Variants in MYO3B observed in about 807,000 individuals in gnomAD.
MYO3B encodes myosin IIIB.
A neutral mutation model predicts 174.6 loss-of-function variants in MYO3B; 156 were observed. The ratio of observed to expected loss-of-function variants is 0.89; its 90% CI spans 0.78 to 1.02. The LOEUF (loss-of-function observed/expected upper bound fraction) is 1.02, where lower values mean the gene tolerates loss of function less well. MYO3B is among the 50% of genes least tolerant of loss of function. The pLI, the probability that MYO3B is intolerant of heterozygous loss-of-function variation, is 0.00. For synonymous variants in MYO3B, 563 were observed against 569.1 expected, an observed-to-expected ratio of 0.99 and a Z score of 0.15; for missense variants, 1,632 against 1,639.4, an observed-to-expected ratio of 1.00 and a Z score of 0.08.
intron 32 of MYO3B, among the ~76,000 whole-genome samples, chr2:170,557,716 T>G (rs1691426655): frequency 1.3e-5 from 2 of 152,004 alleles, no homozygotes; most frequent in African/African-American, 4.8e-5. Context: ...TTGACTAGGG[T>G]GTTGATAGGG....
chr2:170,616,360 G>A (rs1200741103), intron 32 of MYO3B, among the ~76,000 whole-genome samples: 1 of 152,040 alleles, frequency 6.6e-6, no homozygotes, highest in African/African-American at 2.4e-5. Context: ...TAGGAATCTT[G>A]GTGATGTGAA....
intron 6 of MYO3B, among the ~76,000 whole-genome samples, chr2:170,221,146 G>T (rs1559311066): frequency 6.6e-6 from 1 of 151,940 alleles, no homozygotes; most frequent in Non-Finnish European, 1.5e-5. Flanking sequence ...TCATATGATG[G>T]CCTGTGTGGT....
intron 1 of MYO3B, among the ~76,000 whole-genome samples, chr2:170,195,687 T>C (rs1162765561): frequency 1.3e-5 from 2 of 152,140 alleles, no homozygotes; most frequent in African/African-American, 2.4e-5. Context: ...TTGGGAGTTT[T>C]AGGTACCCAC....
At chr2:170,513,318 G>A (rs750682262) in intron 28 of MYO3B, among the ~76,000 whole-genome samples, 4 of 152,186 alleles carry the variant, frequency 2.6e-5, no homozygotes, top group Non-Finnish European at 5.9e-5. Context: ...AGCAACATTG[G>A]TTTCTACTGG....
intron 23 of MYO3B, among the ~76,000 whole-genome samples, chr2:170,454,011 C>G (rs1401732434): frequency 6.6e-6 from 1 of 152,176 alleles, no homozygotes; most frequent in Non-Finnish European, 1.5e-5. Context: ...GAGGGTTCTT[C>G]AAGTTAGGCC....
chr2:170,391,706 A>G, intron 15 of MYO3B, 88 bp downstream of exon 15: 1 of 757,588 alleles, frequency 1.3e-6, no homozygotes, highest in South Asian at 1.7e-5. Flanking sequence ...CTGTTTTCCT[A>G]ACTGGAAACT....
intron 7 of MYO3B, among the ~76,000 whole-genome samples, chr2:170,328,701 G>A (rs1435248244): frequency 6.6e-6 from 1 of 151,996 alleles, no homozygotes; most frequent in Non-Finnish European, 1.5e-5. Context: ...ATACATGAAC[G>A]GCTAAATAAC....
chr2:170,403,079 G>T, intron 19 of MYO3B, 84 bp downstream of exon 19: 1 of 1,341,162 alleles, frequency 7.5e-7, no homozygotes, highest in South Asian at 1.7e-5. Flanking sequence ...AAACCCTGTA[G>T]ACTAACAACT....
chr2:170,520,797 C>G (rs571645477), intron 30 of MYO3B, among the ~76,000 whole-genome samples: 3 of 152,066 alleles, frequency 2.0e-5, no homozygotes, highest in Non-Finnish European at 4.4e-5. Context: ...GAGCTAAAGA[C>G]ACAAACAGCT....
At chr2:170,283,851 A>G (rs181611290) in intron 7 of MYO3B, among the ~76,000 whole-genome samples, 47 of 152,334 alleles carry the variant, frequency 3.1e-4, no homozygotes, top group Middle Eastern at 3.4e-3. Context: ...ATACATTTGG[A>G]TAAGTTGCAT....
At chr2:170,207,020 T>C (rs1437868863) in intron 3 of MYO3B, among the ~76,000 whole-genome samples, 4 of 152,180 alleles carry the variant, frequency 2.6e-5, no homozygotes, top group African/African-American at 9.7e-5. Flanking sequence ...AAAACTGTTA[T>C]TGTAATCTCA....
intron 32 of MYO3B, among the ~76,000 whole-genome samples, chr2:170,622,428 T>TA (rs1696004834): frequency 6.6e-6 from 1 of 152,114 alleles, no homozygotes; most frequent in Admixed American, 6.5e-5. Context: ...AAAAAACAAG[T>TA]AAAAACTTAA....
At chr2:170,236,579 A>C (rs1314677807) in intron 7 of MYO3B, among the ~76,000 whole-genome samples, 1 of 152,198 alleles carries the variant, frequency 6.6e-6, no homozygotes, top group Non-Finnish European at 1.5e-5. Context: ...CATCAGCGCT[A>C]TATCTTACTC....
At position 170,178,280 on chromosome 2, in the gene MYO3B, G is replaced by T; in HGVS notation, c.-8G>T. On this transcript the variant is annotated 5_prime_UTR_variant, in exon 1 of 35. The change creates a new upstream start codon in the 5' untranslated region. Coordinates refer to ENST00000408978, the MANE Select transcript of MYO3B (RefSeq NM_138995.5). Reference sequence around the variant, plus strand: ...TCTCATAAGCCGGATTCAGAAAATAGGTCATCGATGTGAGTTGCAGTTATT... The same window carrying T: ...TCTCATAAGCCGGATTCAGAAAATATGTCATCGATGTGAGTTGCAGTTATT... 6.2e-7 allele frequency: 1 copy of T among 1,614,160 alleles called. No individual in the cohort carries two copies.
chr2:170,515,024 TAG>T lies in MYO3B; in HGVS notation c.3472+5_3472+6del. On this transcript the variant is annotated splice_donor_region_variant and intron_variant, in intron 29 of 34. Coordinates refer to ENST00000408978, the MANE Select transcript of MYO3B (RefSeq NM_138995.5). ...GCAGCGAGCCTGGTGACCATAAAGG[TAG>T]AGTCTTTCGAGATTTAGAATGAGTG... The T allele has an allele frequency of 6.2e-7, 1 of 1,612,944 alleles. No individual in the cohort carries two copies.
chr2:170,387,435 T>C lies in MYO3B; in HGVS notation c.1577+127T>C, dbSNP rs191392002. ...CCTACCCTCCCCAAGGGCAAAGAAT[T>C]ATTTAAGCAAAGGATCAGTGGTAGT... On this transcript the variant is annotated intron_variant, in intron 14 of 34. Coordinates refer to ENST00000408978, the MANE Select transcript of MYO3B (RefSeq NM_138995.5). The C allele has an allele frequency of 1.3e-5, 11 of 850,068 alleles. No individual in the cohort carries two copies. In the African/African-American group the frequency reaches 1.4e-4, roughly 11 times the overall value. The allele number at this position is 850,068 out of a possible 1,614,324, so 52.7% of individuals were successfully genotyped here.
intron 23 of MYO3B, among the ~76,000 whole-genome samples, chr2:170,459,071 G>T (rs1575011706): frequency 6.6e-6 from 1 of 152,278 alleles, no homozygotes; most frequent in East Asian, 1.9e-4. Context: ...GAGTGAAGCT[G>T]CAGACCTTTG....
At chr2:170,588,763 G>A (rs1322000363) in intron 32 of MYO3B, among the ~76,000 whole-genome samples, 1 of 152,180 alleles carries the variant, frequency 6.6e-6, no homozygotes, top group Admixed American at 6.5e-5. Flanking sequence ...TGCTGCAGCT[G>A]AGGAAGACAC....
intron 7 of MYO3B, among the ~76,000 whole-genome samples, chr2:170,330,717 A>G (rs2093905608): frequency 6.6e-6 from 1 of 152,188 alleles, no homozygotes; most frequent in Non-Finnish European, 1.5e-5. Context: ...CATTTTGGTT[A>G]TATATATTCA....
Sources: gnomAD v4.1 joint callset for allele counts (sites outside exome capture counted in the v4.1 genomes callset) on GRCh38, gnomAD v4.1.1 for gene constraint, MANE v1.5 for transcripts, NCBI Gene and HGNC (gene_info 2026-07-23, HGNC 2026-07-21) for gene names.